Variants in KLF12 observed in about 807,000 individuals in gnomAD.
KLF12 encodes the protein Krueppel-like factor 12.
A neutral mutation model predicts 37.8 loss-of-function variants in KLF12; 9 were observed. The observed-to-expected ratio is 0.24, with a 90% CI of 0.14 to 0.42. KLF12 has a LOEUF of 0.42. Among genes scored for constraint, KLF12 ranks in the 10% least tolerant of loss-of-function variants. The probability of loss-of-function intolerance (pLI) is 1.00; values close to 1 mark genes in which losing one functional copy is unlikely to be tolerated. For missense variants in KLF12, 411 were observed against 516.0 expected, an observed-to-expected ratio of 0.80 and a Z score of 1.97; for synonymous variants, 208 against 202.1, an observed-to-expected ratio of 1.03 and a Z score of -0.25.
At chr13:74,187,507 C>T in the KLF12 span, among the ~76,000 whole-genome samples, 1 of 151,992 alleles carries the variant, frequency 6.6e-6, no homozygotes, top group Non-Finnish European at 1.5e-5. Flanking sequence ...TTGTACAATT[C>T]TCGGTATATA....
In KLF12 at chr13:73,695,399, T is replaced by A. The variant is rs1874070911; in HGVS notation, c.*91A>T. 8.0e-7 allele frequency: 1 copy of A among 1,249,182 alleles called. No homozygotes were observed. The highest frequency in any genetic ancestry group is 2.4e-5 in the East Asian group (1 of 42,356). 77.4% of individuals were successfully genotyped at this position (1,249,182 alleles called of 1,614,324 possible). On this transcript the variant is annotated 3_prime_UTR_variant, in exon 8 of 8. Coordinates refer to ENST00000377669, the MANE Select transcript of KLF12 (RefSeq NM_007249.5). ...ACATCGTGGGATGGTGATGCCCTTT[T>A]GTGTTAACACTGTGAAGGGGATTCA...
chr13:73,998,373 T>C (rs1892176651), intron 1 of KLF12, among the ~76,000 whole-genome samples: 2 of 152,200 alleles, frequency 1.3e-5, no homozygotes, highest in African/African-American at 4.8e-5. Context: ...TATGTATCTT[T>C]AAATAGAGAC....
chr13:73,927,458 A>C (rs1311821055), intron 3 of KLF12, among the ~76,000 whole-genome samples: 2 of 152,206 alleles, frequency 1.3e-5, no homozygotes. Context: ...CATCCAGCCC[A>C]TAACACCCTT....
rs1279427533 is a variant in KLF12, at chr13:73,686,505, C to T, written c.*8985G>A. The T allele has an allele frequency of 1.3e-5, 2 of 152,558 alleles. No homozygotes were observed. Among genetic ancestry groups the T allele is most frequent in the East Asian group, 3.8e-4 (2 of 5,200 alleles). 9.5% of individuals were successfully genotyped at this position (152,558 alleles called of 1,614,324 possible). The stretch of plus-strand genomic sequence containing the variant: ...CTAAACACTACAGAGTATATAAATG[C>T]AGAGGAAACTATTGGGAAATTAGGT... On this transcript the variant is annotated 3_prime_UTR_variant, in exon 8 of 8. Coordinates refer to ENST00000377669, the MANE Select transcript of KLF12 (RefSeq NM_007249.5).
In KLF12 at chr13:73,689,824, T is replaced by G. The variant is rs1004343646; in HGVS notation, c.*5666A>C. ...AGCAAACAAATATCCTTCAGTCTTT[T>G]GCGCCAAATAAATTGGTGTTTTTAA... On this transcript the variant is annotated 3_prime_UTR_variant, in exon 8 of 8. Coordinates refer to ENST00000377669, the MANE Select transcript of KLF12 (RefSeq NM_007249.5). The G allele has an allele frequency of 3.3e-5, 5 of 152,200 alleles. No individual in the cohort carries two copies. The highest frequency in any genetic ancestry group is 1.2e-4 in the African/African-American group (5 of 41,462). The allele number at this position is 152,200 out of a possible 1,614,324, so 9.4% of individuals were successfully genotyped here.
intron 1 of KLF12, among the ~76,000 whole-genome samples, chr13:74,084,601 T>C (rs1875144296): frequency 6.6e-6 from 1 of 152,224 alleles, no homozygotes; most frequent in African/African-American, 2.4e-5. Flanking sequence ...AGGATGGTAA[T>C]GAAGTCTAAT....
intron 5 of KLF12, among the ~76,000 whole-genome samples, chr13:73,799,435 T>C (rs1323446246): frequency 6.6e-6 from 1 of 151,970 alleles, no homozygotes; most frequent in African/African-American, 2.4e-5. Flanking sequence ...AATATATATA[T>C]ATTTTTAAAA....
the KLF12 span, among the ~76,000 whole-genome samples, chr13:74,216,811 C>G: frequency 6.6e-6 from 1 of 152,164 alleles, no homozygotes; most frequent in South Asian, 2.1e-4. Context: ...CCTACCTTGA[C>G]GGGAAGGAGA....
chr13:73,970,370 T>A (rs981832759), intron 2 of KLF12, among the ~76,000 whole-genome samples: 1 of 152,012 alleles, frequency 6.6e-6, no homozygotes, highest in Non-Finnish European at 1.5e-5. Context: ...TTTTTTTTTT[T>A]AATCACAATA....
chr13:74,193,856 C>T, the KLF12 span, among the ~76,000 whole-genome samples: 11 of 152,284 alleles, frequency 7.2e-5, no homozygotes, highest in Admixed American at 2.0e-4. Flanking sequence ...TGATTGCTAA[C>T]GTGTCCCTAT....
chr13:73,784,758 G>A (rs542234658), intron 5 of KLF12, among the ~76,000 whole-genome samples: 1 of 151,610 alleles, frequency 6.6e-6, no homozygotes, highest in East Asian at 2.0e-4. Flanking sequence ...ATCCTCCTGA[G>A]TAGCTGGAAT....
At chr13:73,779,276 C>A (rs1482375859) in intron 5 of KLF12, among the ~76,000 whole-genome samples, 2 of 152,064 alleles carry the variant, frequency 1.3e-5, no homozygotes, top group African/African-American at 2.4e-5. Flanking sequence ...AGCTCCTCAC[C>A]AGAAACAGGG....
the KLF12 span, among the ~76,000 whole-genome samples, chr13:74,166,914 C>T: frequency 6.1e-4 from 93 of 152,316 alleles, no homozygotes; most frequent in Middle Eastern, 3.4e-3. Context: ...TCACCCAAGA[C>T]GCACACTTTG....
At chr13:74,051,559 T>C (rs1593859231) in intron 1 of KLF12, among the ~76,000 whole-genome samples, 1 of 152,058 alleles carries the variant, frequency 6.6e-6, no homozygotes, top group South Asian at 2.1e-4. Flanking sequence ...CTTGTCTTCC[T>C]GGTACTAGTA....
chr13:74,023,928 C>T (rs1217536418), intron 1 of KLF12, among the ~76,000 whole-genome samples: 1 of 152,148 alleles, frequency 6.6e-6, no homozygotes, highest in Non-Finnish European at 1.5e-5. Flanking sequence ...AGGGTTAAGA[C>T]AGTTCCTAAG....
At chr13:74,058,608 G>A (rs564947949) in intron 1 of KLF12, among the ~76,000 whole-genome samples, 36 of 151,852 alleles carry the variant, frequency 2.4e-4, no homozygotes, top group Admixed American at 7.2e-4. Context: ...CGCCCACCTC[G>A]GCCTCCCAAA....
intron 2 of KLF12, among the ~76,000 whole-genome samples, chr13:73,959,222 T>C (rs2139452427): frequency 6.6e-6 from 1 of 151,134 alleles, no homozygotes; most frequent in Middle Eastern, 3.5e-3. Context: ...TTTCTCAGGC[T>C]AGCAACTGTT....
intron 2 of KLF12, among the ~76,000 whole-genome samples, chr13:73,979,750 C>A (rs1415079370): frequency 6.6e-6 from 1 of 152,132 alleles, no homozygotes; most frequent in African/African-American, 2.4e-5. Flanking sequence ...TTGTTATGGG[C>A]TGAATTTTGT....
At chr13:73,804,180 G>A (rs776789448) in intron 5 of KLF12, among the ~76,000 whole-genome samples, 9 of 151,982 alleles carry the variant, frequency 5.9e-5, no homozygotes, top group East Asian at 1.9e-4. Flanking sequence ...TGTTCCACTC[G>A]GAGTTACATG....
Sources: allele counts gnomAD v4.1 joint callset (sites outside exome capture counted in the v4.1 genomes callset), GRCh38; gene constraint gnomAD v4.1.1; transcripts MANE v1.5; gene names NCBI Gene and HGNC (gene_info 2026-07-23, HGNC 2026-07-21).